Variants in GRM5 observed in about 807,000 individuals in gnomAD.
GRM5 encodes the protein glutamate metabotropic receptor 5.
In GRM5, 19 loss-of-function variants were observed where a neutral mutation model predicts 83.1. That is an observed-to-expected ratio of 0.23 (90% CI 0.16 to 0.34). The LOEUF (loss-of-function observed/expected upper bound fraction) is 0.34, where lower values mean the gene tolerates loss of function less well. GRM5 is among the 10% of genes least tolerant of loss of function. GRM5 has a pLI of 1.00. For missense variants in GRM5, 1,160 were observed against 1,588.3 expected (o/e 0.73, Z 4.58); for synonymous variants, 675 against 633.6 (o/e 1.07, Z -0.98).
At chr11:88,671,724 C>A (rs1251701037) in intron 3 of GRM5, among the ~76,000 whole-genome samples, 1 of 151,904 alleles carries the variant, frequency 6.6e-6, no homozygotes, top group Non-Finnish European at 1.5e-5. Flanking sequence ...AAGGCAATAA[C>A]CCAGAATATT....
chr11:88,964,357 G>T (rs376124321), intron 2 of GRM5, among the ~76,000 whole-genome samples: 28 of 131,878 alleles, frequency 2.1e-4, no homozygotes, highest in African/African-American at 6.5e-4. Context: ...AGTAGAATAG[G>T]CAGGGCACAG....
At chr11:88,879,135 T>C in intron 2 of GRM5, among the ~76,000 whole-genome samples, 1 of 152,010 alleles carries the variant, frequency 6.6e-6, no homozygotes, top group East Asian at 1.9e-4. Context: ...ATATAAAATG[T>C]GAGGAAAAAT....
chr11:88,736,442 A>G (rs1463412345), intron 3 of GRM5, among the ~76,000 whole-genome samples: 1 of 152,040 alleles, frequency 6.6e-6, no homozygotes, highest in Non-Finnish European at 1.5e-5. Context: ...CTAGATGTGT[A>G]TATCTTAGTC....
chr11:88,656,236 C>G (rs572918537), intron 3 of GRM5, among the ~76,000 whole-genome samples: 1 of 152,238 alleles, frequency 6.6e-6, no homozygotes, highest in African/African-American at 2.4e-5. Context: ...ACATTTAAGG[C>G]ACTTTACTAG....
Position 88,864,020 on chromosome 11 carries a change from CTG to C in GRM5, c.662-13867_662-13866del, listed in dbSNP as rs1565266724. On this transcript the variant is annotated intron_variant, in intron 2 of 9. Coordinates refer to ENST00000305447, the MANE Select transcript of GRM5 (RefSeq NM_001143831.3). ...GTTTAATGATGTAGAATGGAAAATA[CTG>C]TCATTTCTGTTTTGCTGTACTAGGA... Among the ~76,000 whole-genome samples, 214 of 149,500 alleles carry C rather than the reference CTG, an allele frequency of 1.4e-3. 1 individual carries two copies. Among genetic ancestry groups the C allele is most frequent in the African/African-American group, 5.0e-3 (201 of 40,564 alleles).
chr11:88,627,480 C>T (rs892313448), intron 4 of GRM5, among the ~76,000 whole-genome samples: 1 of 152,098 alleles, frequency 6.6e-6, no homozygotes, highest in Non-Finnish European at 1.5e-5. Flanking sequence ...AGTAATTTTG[C>T]ACCAGGGATT....
chr11:88,681,891 A>G (rs951897474), intron 3 of GRM5, among the ~76,000 whole-genome samples: 4 of 151,524 alleles, frequency 2.6e-5, no homozygotes, highest in African/African-American at 7.3e-5. Context: ...TTCATGTTGT[A>G]TACTCTTTTC....
intron 3 of GRM5, among the ~76,000 whole-genome samples, chr11:88,685,541 A>G (rs533645065): frequency 4.6e-5 from 7 of 152,278 alleles, no homozygotes; most frequent in African/African-American, 1.7e-4. Flanking sequence ...CCCCAAGACA[A>G]TGGGGAAAAT....
intron 3 of GRM5, among the ~76,000 whole-genome samples, chr11:88,807,412 C>G (rs773539332): frequency 1.3e-5 from 2 of 151,956 alleles, no homozygotes; most frequent in Non-Finnish European, 2.9e-5. Flanking sequence ...TTTTAGAAAG[C>G]TTATCCTATC....
intron 2 of GRM5, among the ~76,000 whole-genome samples, chr11:88,943,160 C>CT (rs1051277353): frequency 1.3e-5 from 2 of 152,116 alleles, no homozygotes; most frequent in Admixed American, 1.3e-4. Context: ...CCACTGAACT[C>CT]TAAGACCAAC....
chr11:88,703,751 T>A (rs746524739), intron 3 of GRM5, among the ~76,000 whole-genome samples: 18 of 152,188 alleles, frequency 1.2e-4, no homozygotes, highest in Non-Finnish European at 2.5e-4. Context: ...AGGATCAAAC[T>A]ATAATCATTA....
intron 2 of GRM5, among the ~76,000 whole-genome samples, chr11:88,916,860 G>C (rs773273463): frequency 3.3e-5 from 5 of 152,128 alleles, no homozygotes; most frequent in Non-Finnish European, 7.3e-5. Context: ...CCCAATACTA[G>C]GACATAGCTC....
At chr11:88,548,878 T>A (rs1942441520) in intron 8 of GRM5, among the ~76,000 whole-genome samples, 1 of 152,188 alleles carries the variant, frequency 6.6e-6, no homozygotes, top group Non-Finnish European at 1.5e-5. Context: ...ACCCAGCACA[T>A]ATTTATCAGA....
intron 8 of GRM5, among the ~76,000 whole-genome samples, chr11:88,563,344 C>G (rs1319313154): frequency 1.3e-5 from 2 of 152,272 alleles, no homozygotes; most frequent in Admixed American, 6.5e-5. Flanking sequence ...TGTACATACA[C>G]CTTTCCAGGA....
chr11:88,556,455 T>C (rs1942630106), intron 8 of GRM5, among the ~76,000 whole-genome samples: 1 of 151,948 alleles, frequency 6.6e-6, no homozygotes, highest in African/African-American at 2.4e-5. Context: ...CCCAAGTAGC[T>C]GGGATTACAG....
At chr11:89,036,749 T>C (rs193150460) in intron 2 of GRM5, among the ~76,000 whole-genome samples, 26 of 143,108 alleles carry the variant, frequency 1.8e-4, no homozygotes, top group African/African-American at 6.4e-4. Flanking sequence ...TCCTACTACT[T>C]AAATGAGAAT....
At chr11:88,651,938 C>T (rs1339900885) in intron 4 of GRM5, among the ~76,000 whole-genome samples, 2 of 152,010 alleles carry the variant, frequency 1.3e-5, no homozygotes, top group Non-Finnish European at 2.9e-5. Flanking sequence ...ATGAACATGA[C>T]CTCAGAGGGG....
chr11:88,769,601 G>A (rs576936027), intron 3 of GRM5, among the ~76,000 whole-genome samples: 6 of 152,064 alleles, frequency 3.9e-5, no homozygotes, highest in African/African-American at 1.4e-4. Flanking sequence ...AACAGCAACA[G>A]CAAGAACAAA....
At chr11:88,655,722 A>G (rs1939750748) in intron 3 of GRM5, among the ~76,000 whole-genome samples, 1 of 150,924 alleles carries the variant, frequency 6.6e-6, no homozygotes, top group Non-Finnish European at 1.5e-5. Flanking sequence ...AATAACTTAG[A>G]AAACTATGAT....
Sources: allele counts gnomAD v4.1 joint callset (sites outside exome capture counted in the v4.1 genomes callset), GRCh38; gene constraint gnomAD v4.1.1; transcripts MANE v1.5; gene names NCBI Gene and HGNC (gene_info 2026-07-23, HGNC 2026-07-21).